The following ZSWIM9 variants were observed in gnomAD, a reference collection of about 807,000 sequenced individuals.
ZSWIM9 encodes uncharacterized protein ZSWIM9.
ZSWIM9 carries 11 observed loss-of-function variants against 25.0 expected under a neutral mutation model. That is an observed-to-expected ratio of 0.44 (90% CI 0.28 to 0.73). The LOEUF is 0.73. Ranked by LOEUF, ZSWIM9 falls within the 30% of genes least tolerant of loss-of-function variation. The pLI, the probability that ZSWIM9 is intolerant of heterozygous loss-of-function variation, is 0.16. For synonymous variants in ZSWIM9, 562 were observed against 582.1 expected (o/e 0.97, Z 0.50); for missense variants, 1,070 against 1,296.5 (o/e 0.83, Z 2.68).
chr19:48,180,745 T>C (rs2036939148), intron 2 of ZSWIM9: 2 of 150,338 alleles, frequency 1.3e-5, no homozygotes, highest in Admixed American at 1.3e-4. Flanking sequence ...TTTTCTTTTT[T>C]TCTTTTTTCT....
Position 48,197,220 on chromosome 19 carries a change from CG to C in ZSWIM9, c.*397del, listed in dbSNP as rs1377634409. The stretch of plus-strand genomic sequence containing the variant: ...AGACTGGCCAGTCTAGGGAGTGCAG[CG>C]GGGAGAGGGGAAAGGGAGAAAGTAC... On this transcript the variant is annotated 3_prime_UTR_variant, in exon 4 of 4. Transcript: ENST00000614654. 3.3e-5 allele frequency: 23 copies of C among 694,264 alleles called. No homozygotes were observed. Among genetic ancestry groups the C allele is most frequent in the Non-Finnish European group, 5.7e-5 (22 of 382,638 alleles). The allele number at this position is 694,264 out of a possible 1,614,324, so 43.0% of individuals were successfully genotyped here.
At chr19:48,171,549 G>C (rs146686685) in intron 1 of ZSWIM9, among the ~76,000 whole-genome samples, 2 of 152,098 alleles carry the variant, frequency 1.3e-5, no homozygotes, top group African/African-American at 4.8e-5. Context: ...AGGAGGAGAC[G>C]AGTTGGAATT....
chr19:48,182,734 C>G lies in ZSWIM9; in HGVS notation c.555C>G (p.Leu185=). 6 of 1,534,390 alleles carry G rather than the reference C, an allele frequency of 3.9e-6. No homozygotes were observed. Among genetic ancestry groups the G allele is most frequent in the South Asian group, 1.2e-5 (1 of 83,928 alleles). ...GCGTCCTGGACGCCCTGCACGTGCTCGAGGGCCTCTTCCGCACCGACCCCG... is the reference window on the plus strand; with the variant it reads ...GCGTCCTGGACGCCCTGCACGTGCTGGAGGGCCTCTTCCGCACCGACCCCG... ...DHGVLDALHV[L]EGLFRTDPEA... is the part of the protein sequence containing the mutation. The change falls in exon 3 of 4, where the codon CTC becomes CTG. Residue 185 remains leucine, a synonymous_variant. Transcript: ENST00000614654. This position sits in a 1 kb window ranked among gnomAD's most constrained non-coding sequence, Gnocchi z 4.6.
At chr19:48,183,805 T>A (rs958900758) in intron 3 of ZSWIM9, among the ~76,000 whole-genome samples, 1 of 150,542 alleles carries the variant, frequency 6.6e-6, no homozygotes. Flanking sequence ...CCCAGCTAAT[T>A]TTTTAGTTTT....
At chr19:48,173,932 C>A (rs560668654) in intron 2 of ZSWIM9, among the ~76,000 whole-genome samples, 1 of 152,128 alleles carries the variant, frequency 6.6e-6, no homozygotes, top group South Asian at 2.1e-4. Flanking sequence ...CTGGTCTGAC[C>A]CCAGTTTTAA....
In ZSWIM9 at chr19:48,195,087, C is replaced by A; in HGVS notation, c.1023C>A (p.Gly341=). The A allele has an allele frequency of 1.4e-6, 2 of 1,413,582 alleles. No individual in the cohort carries two copies. Among genetic ancestry groups the A allele is most frequent in the East Asian group, 3.3e-5 (1 of 30,712 alleles). The allele number at this position is 1,413,582 out of a possible 1,614,324, so 87.6% of individuals were successfully genotyped here. A position where few individuals can be genotyped will look rare whatever the true frequency, so the allele number is the denominator to read the frequency against. Residue 341 remains glycine, a synonymous_variant, in exon 4 of 4, where the codon GGC becomes GGA. Coordinates refer to ENST00000614654, the MANE Select transcript of ZSWIM9 (RefSeq NM_199341.4). This position sits in a 1 kb window ranked among gnomAD's most constrained non-coding sequence, Gnocchi z 5.8. ...GCGGCGCCGGCCGCGAGGACCCGGG[C>A]CTGTGGTCGCGCCTGTGCCGCCTGG... ...ELGGAGREDP[G]LWSRLCRLAG...
At chr19:48,187,571 AT>A (rs2037042540) in intron 3 of ZSWIM9, 1 of 59,042 alleles carries the variant, frequency 1.7e-5, no homozygotes. Flanking sequence ...ATATAATATT[AT>A]ATATATTATA....
Position 48,195,014 on chromosome 19 carries a change from G to C in ZSWIM9, c.950G>C (p.Cys317Ser). Reference sequence around the variant, plus strand: ...CTGCCCTGCGCGCGCGTGCAGATCTGCCGCGCGCAGGGCCTGGAGACGCTC... The same window carrying C: ...CTGCCCTGCGCGCGCGTGCAGATCTCCCGCGCGCAGGGCCTGGAGACGCTC... ...QLLPCARVQICRAQGLETLFS... is the reference protein window; with the variant it reads ...QLLPCARVQISRAQGLETLFS... The change falls in exon 4 of 4, where the codon TGC becomes TCC. Residue 317 changes from cysteine to serine, a missense_variant. This residue lies in a region of ZSWIM9 where 184 missense variants were observed against 243.1 expected (regional missense o/e 0.76). Coordinates refer to ENST00000614654, the MANE Select transcript of ZSWIM9 (RefSeq NM_199341.4). The surrounding 1 kb of genome is among the most constrained non-coding windows in gnomAD (Gnocchi z 5.8). The C allele has an allele frequency of 7.3e-7, 1 of 1,365,022 alleles. No individual in the cohort carries two copies. Among genetic ancestry groups the C allele is most frequent in the Non-Finnish European group, 9.4e-7 (1 of 1,066,890 alleles). The allele number at this position is 1,365,022 out of a possible 1,614,324, so 84.6% of individuals were successfully genotyped here.
Position 48,182,700 on chromosome 19 carries a change from G to GCGACCA in ZSWIM9, c.524_529dup (p.Asp175_His176dup). 1 of 1,535,532 alleles carries GCGACCA rather than the reference G, an allele frequency of 6.5e-7. No individual in the cohort carries two copies. Among genetic ancestry groups the GCGACCA allele is most frequent in the Non-Finnish European group, 8.7e-7 (1 of 1,146,528 alleles). ...CGCCTGCTGTCCTACTGCAAGGGCCGCGACCACGGCGTCCTGGACGCCCTG... is the reference window on the plus strand; with the variant it reads ...CGCCTGCTGTCCTACTGCAAGGGCCGCGACCACGACCACGGCGTCCTGGACGCCCTG... On this transcript the variant is annotated inframe_insertion, in exon 3 of 4. Transcript: ENST00000614654. The surrounding 1 kb of genome is among the most constrained non-coding windows in gnomAD (Gnocchi z 4.6).
intron 3 of ZSWIM9, among the ~76,000 whole-genome samples, chr19:48,187,527 T>A (rs1336892576): frequency 3.6e-5 from 3 of 83,142 alleles, no homozygotes; most frequent in African/African-American, 9.9e-5. Flanking sequence ...ATATTATATA[T>A]TATATTATTA....
rs1195103928 is a variant in ZSWIM9, at chr19:48,194,781, C to A, written c.717C>A (p.Gly239=). ...LLVDRLPGLQ[G]ALDLLAVLCV... is the part of the protein sequence containing the mutation. ...TGGACCGGCTGCCGGGGCTGCAGGG[C>A]GCGCTGGATCTGCTGGCCGTGCTGT... Residue 239 remains glycine (G), a synonymous_variant, in exon 4 of 4, where the codon GGC becomes GGA. Transcript: ENST00000614654. This position sits in a 1 kb window ranked among gnomAD's most constrained non-coding sequence, Gnocchi z 6.0. 1.7e-5 allele frequency: 26 copies of A among 1,531,626 alleles called. No homozygotes were observed. Among genetic ancestry groups the A allele is most frequent in the Non-Finnish European group, 2.1e-5 (24 of 1,144,914 alleles). The allele number at this position is 1,531,626 out of a possible 1,614,324, so 94.9% of individuals were successfully genotyped here. A position where few individuals can be genotyped will look rare whatever the true frequency, so the allele number is the denominator to read the frequency against.
Position 48,196,283 on chromosome 19 carries a change from G to A in ZSWIM9, c.2219G>A (p.Gly740Asp). The change falls in exon 4 of 4, where the codon GGC becomes GAC. Residue 740 changes from glycine to aspartate, a missense_variant. Gly to Asp is a moderately conservative substitution (Grantham distance 94). Around this residue, in one of 4 missense-constraint regions of ZSWIM9, gnomAD observed 583 missense variants for 624.7 expected, o/e 0.93. Coordinates refer to ENST00000614654, the MANE Select transcript of ZSWIM9 (RefSeq NM_199341.4). The stretch of plus-strand genomic sequence containing the variant: ...GATGGAGGGGGAGCCCGGTCCGTGG[G>A]CCCCAAGAGCCGAGCCGGACGAGGG... The part of the protein sequence containing the change: ...NGDGGGARSV[G>D]PKSRAGRGME... The A allele has an allele frequency of 1.6e-6, 2 of 1,233,692 alleles. No individual in the cohort carries two copies. The highest frequency in any genetic ancestry group is 2.0e-6 in the Non-Finnish European group (2 of 989,128). 76.4% of individuals were successfully genotyped at this position (1,233,692 alleles called of 1,614,324 possible). A position where few individuals can be genotyped will look rare whatever the true frequency, so the allele number is the denominator to read the frequency against.
At position 48,195,597 on chromosome 19, in the gene ZSWIM9, A is replaced by T; in HGVS notation, c.1533A>T (p.Glu511Asp). 1 of 1,419,330 alleles carries T rather than the reference A, an allele frequency of 7.0e-7. No individual in the cohort carries two copies. Among genetic ancestry groups the T allele is most frequent in the African/African-American group, 1.5e-5 (1 of 67,668 alleles). The allele number at this position is 1,419,330 out of a possible 1,614,324, so 87.9% of individuals were successfully genotyped here. A position where few individuals can be genotyped will look rare whatever the true frequency, so the allele number is the denominator to read the frequency against. Residue 511 changes from glutamate to aspartate, a missense_variant, in exon 4 of 4, where the codon GAA (glutamate) becomes GAT (aspartate). Coordinates refer to ENST00000614654, the MANE Select transcript of ZSWIM9 (RefSeq NM_199341.4). The surrounding 1 kb of genome is among the most constrained non-coding windows in gnomAD (Gnocchi z 5.8). ...GAGACTGGGGCGGGGCTCAGTTCGA[A>T]GGTGAGAAGGGGAGGGCACTGCAGA... Reference protein sequence around the residue: ...ETRDWGGAQFEGEKGRALQIR... With the variant: ...ETRDWGGAQFDGEKGRALQIR...
chr19:48,193,000 T>TAGCC (rs2037116954), intron 3 of ZSWIM9: 1 of 155,340 alleles, frequency 6.4e-6, no homozygotes, highest in Admixed American at 6.5e-5. Context: ...GATGTATTGC[T>TAGCC]AGCCAGGGAC....
Position 48,187,985 on chromosome 19 carries a change from T to TAGATAGAC in ZSWIM9, c.588+5221_588+5222insTAGACAGA, listed in dbSNP as rs1555787428. On this transcript the variant is annotated intron_variant, in intron 3 of 3. Transcript: ENST00000614654. ...ATAGATAGATAGATAGATAGATAGA[T>TAGATAGAC]AGACAGACAGACAGCAAGCTTTAAA... 1.0e-3 allele frequency among the ~76,000 whole-genome samples: 150 copies of TAGATAGAC among 146,370 alleles called. 1 individual carries two copies. The highest frequency in any genetic ancestry group is 3.5e-3 in the Middle Eastern group (1 of 284).
At chr19:48,172,488 T>A (rs1384927070) in intron 2 of ZSWIM9, among the ~76,000 whole-genome samples, 1 of 151,854 alleles carries the variant, frequency 6.6e-6, no homozygotes, top group Non-Finnish European at 1.5e-5. Flanking sequence ...TTGTGTGGTT[T>A]TTTGTTTTTG....
rs1471875468 is a variant in ZSWIM9 at position 48,195,501 on chromosome 19, G to A, written c.1437G>A (p.Gly479=). Residue 479 remains glycine, a synonymous_variant, in exon 4 of 4, where the codon GGG becomes GGA. Transcript: ENST00000614654. This position sits in a 1 kb window ranked among gnomAD's most constrained non-coding sequence, Gnocchi z 5.8. ...GCCTGGAGACAGGCGACTGGGGAGG[G>A]GCTCCGAAAGAAGGAAGTATTTGGA... is the stretch of plus-strand genomic sequence containing the variant. The part of the protein sequence containing the change: ...VRGLETGDWG[G]APKEGSIWRG... The A allele has an allele frequency of 2.8e-6, 4 of 1,414,336 alleles. No individual in the cohort carries two copies. Among genetic ancestry groups the A allele is most frequent in the African/African-American group, 1.5e-5 (1 of 66,470 alleles). 87.6% of individuals were successfully genotyped at this position (1,414,336 alleles called of 1,614,324 possible).
At chr19:48,189,977 T>C (rs1215147663) in intron 3 of ZSWIM9, among the ~76,000 whole-genome samples, 1 of 152,018 alleles carries the variant, frequency 6.6e-6, no homozygotes, top group Admixed American at 6.6e-5. Context: ...CTGAGGTGGG[T>C]GGATCACTTG....
At chr19:48,177,083 A>G (rs1174366662) in intron 2 of ZSWIM9, among the ~76,000 whole-genome samples, 2 of 150,916 alleles carry the variant, frequency 1.3e-5, no homozygotes, top group South Asian at 2.1e-4. Flanking sequence ...ATAAATAAAA[A>G]TTAAAAAAAA....
Sources: allele counts gnomAD v4.1 joint callset (sites outside exome capture counted in the v4.1 genomes callset), GRCh38; gene constraint gnomAD v4.1.1; regional missense constraint gnomAD v4.1.1; non-coding constraint Gnocchi (gnomAD v3.1); transcripts MANE v1.5; gene names NCBI Gene and HGNC (gene_info 2026-07-23, HGNC 2026-07-21).